ZMYM2: variants seen among roughly 807,000 people sequenced by gnomAD.
ZMYM2 encodes zinc finger MYM-type protein 2.
Under a neutral mutation model 162.8 loss-of-function variants are expected in ZMYM2, and 56 were observed. The observed-to-expected ratio is 0.34, with a 90% CI of 0.28 to 0.43. The LOEUF (loss-of-function observed/expected upper bound fraction) is 0.43, where lower values mean the gene tolerates loss of function less well. ZMYM2 is among the 20% of genes least tolerant of loss of function. The probability of loss-of-function intolerance (pLI) is 1.00; values close to 1 mark genes in which losing one functional copy is unlikely to be tolerated. For missense variants in ZMYM2, 1,275 were observed against 1,621.8 expected (o/e 0.79, Z 3.67); for synonymous variants, 510 against 541.6 (o/e 0.94, Z 0.81).
At chr13:20,018,746 G>T (rs1044652854) in intron 6 of ZMYM2, among the ~76,000 whole-genome samples, 1 of 152,078 alleles carries the variant, frequency 6.6e-6, no homozygotes, top group Non-Finnish European at 1.5e-5. Flanking sequence ...ATATGTATTC[G>T]TATTATATGC....
chr13:19,978,423 G>GT (rs1201992808), intron 2 of ZMYM2, among the ~76,000 whole-genome samples: 77 of 147,148 alleles, frequency 5.2e-4, no homozygotes, highest in South Asian at 1.3e-3. Context: ...TGTTTTTTGG[G>GT]TTTTTTTTTT....
At chr13:20,072,346 T>C (rs559605955) in intron 21 of ZMYM2, among the ~76,000 whole-genome samples, 47 of 152,076 alleles carry the variant, frequency 3.1e-4, no homozygotes, top group Admixed American at 9.8e-4. Flanking sequence ...CATGGTGAAA[T>C]GCTGTCTCTA....
chr13:20,006,488 G>A lies in ZMYM2; in HGVS notation c.1414G>A (p.Glu472Lys). 1 of 1,613,746 alleles carries A rather than the reference G, an allele frequency of 6.2e-7. No homozygotes were observed. Among genetic ancestry groups the A allele is most frequent in the Non-Finnish European group, 8.5e-7 (1 of 1,179,786 alleles). The change falls in exon 6 of 25, where the codon GAG becomes AAG. Residue 472 changes from glutamate to lysine, a missense_variant. Around this residue, in one of 10 missense-constraint regions of ZMYM2, gnomAD observed 276 missense variants for 311.8 expected, o/e 0.89. Transcript: ENST00000610343. Reference sequence around the variant, plus strand: ...AATGAATTGCTGTGAACAGTGTGGAGAGTACTTGCCCAGTAAAGGTGCTGG... The same window carrying A: ...AATGAATTGCTGTGAACAGTGTGGAAAGTACTTGCCCAGTAAAGGTGCTGG... ...LIMNCCEQCGEYLPSKGAGNN... is the reference protein window; with the variant it reads ...LIMNCCEQCGKYLPSKGAGNN...
the ZMYM2 span, among the ~76,000 whole-genome samples, chr13:19,886,842 A>G: frequency 1.3e-5 from 2 of 151,010 alleles, no homozygotes; most frequent in Non-Finnish European, 2.9e-5. Context: ...TTAATTTTTA[A>G]TAGAGACGGG....
chr13:20,021,358 G>T (rs9579766), intron 7 of ZMYM2, among the ~76,000 whole-genome samples: 20 of 114,684 alleles, frequency 1.7e-4, no homozygotes, highest in African/African-American at 3.4e-4. Flanking sequence ...AATGAGTCAT[G>T]TTTTCCTGCT....
At chr13:20,056,217 G>C (rs1057342189) in intron 14 of ZMYM2, among the ~76,000 whole-genome samples, 17 of 152,200 alleles carry the variant, frequency 1.1e-4, no homozygotes, top group Non-Finnish European at 2.5e-4. Flanking sequence ...AAAACCAGAA[G>C]TGTGTATCAT....
At chr13:19,873,017 T>C in the ZMYM2 span, among the ~76,000 whole-genome samples, 1 of 151,788 alleles carries the variant, frequency 6.6e-6, no homozygotes, top group African/African-American at 2.4e-5. Context: ...AATAAATAAA[T>C]AAAATCCCTT....
the ZMYM2 span, among the ~76,000 whole-genome samples, chr13:19,923,164 G>C: frequency 3.4e-5 from 5 of 147,436 alleles, no homozygotes; most frequent in African/African-American, 1.2e-4. Flanking sequence ...TGGCCAACAT[G>C]GTGAAACCCC....
At chr13:19,926,797 A>C in the ZMYM2 span, among the ~76,000 whole-genome samples, 1 of 152,088 alleles carries the variant, frequency 6.6e-6, no homozygotes, top group Non-Finnish European at 1.5e-5. Flanking sequence ...CCTCCCAAAC[A>C]TCTGGGACCA....
At chr13:19,937,456 C>CTTT in the ZMYM2 span, among the ~76,000 whole-genome samples, 2 of 105,114 alleles carry the variant, frequency 1.9e-5, no homozygotes, top group African/African-American at 3.3e-5. Context: ...TAGTATTCCT[C>CTTT]TTTTTTTTTT....
chr13:20,042,170 C>CT (rs1406090502), intron 12 of ZMYM2, among the ~76,000 whole-genome samples: 4 of 152,156 alleles, frequency 2.6e-5, no homozygotes, highest in Non-Finnish European at 5.9e-5. Flanking sequence ...TGCTTATACT[C>CT]TCCCCATCTC....
the ZMYM2 span, among the ~76,000 whole-genome samples, chr13:19,880,677 C>A: frequency 6.6e-6 from 1 of 152,066 alleles, no homozygotes; most frequent in Non-Finnish European, 1.5e-5. Context: ...GATCCACCCG[C>A]CTTGGACTCC....
At chr13:19,943,442 G>A in the ZMYM2 span, among the ~76,000 whole-genome samples, 3 of 152,146 alleles carry the variant, frequency 2.0e-5, no homozygotes, top group Non-Finnish European at 4.4e-5. Context: ...AAGATTAGCC[G>A]ACATCCCAAT....
chr13:19,926,847 T>C, the ZMYM2 span, among the ~76,000 whole-genome samples: 1 of 152,162 alleles, frequency 6.6e-6, no homozygotes, highest in Non-Finnish European at 1.5e-5. Flanking sequence ...TTTGTATTTT[T>C]TGTAGAGACA....
At chr13:19,987,050 A>G (rs1217142270) in intron 2 of ZMYM2, among the ~76,000 whole-genome samples, 2 of 133,124 alleles carry the variant, frequency 1.5e-5, no homozygotes, top group African/African-American at 5.5e-5. Context: ...GGTTGCAGTG[A>G]GCTGTGATCG....
the ZMYM2 span, among the ~76,000 whole-genome samples, chr13:19,917,621 A>T: frequency 2.5e-4 from 37 of 149,100 alleles, no homozygotes; most frequent in African/African-American, 9.0e-4. Context: ...AAAAGAAGTT[A>T]GTTATCACAA....
chr13:20,033,894 C>T (rs954491686), intron 10 of ZMYM2, among the ~76,000 whole-genome samples: 1 of 152,160 alleles, frequency 6.6e-6, no homozygotes, highest in Non-Finnish European at 1.5e-5. Context: ...TTCTTTTTGA[C>T]TGAAAATATT....
At chr13:20,024,758 T>C (rs1189206168) in intron 7 of ZMYM2, 1 of 218,386 alleles carries the variant, frequency 4.6e-6, no homozygotes, top group African/African-American at 2.2e-5. Flanking sequence ...TGAGATATAG[T>C]ATGTTTGCAG....
intron 14 of ZMYM2, among the ~76,000 whole-genome samples, chr13:20,057,248 G>A (rs934163443): frequency 6.6e-6 from 1 of 151,900 alleles, no homozygotes; most frequent in South Asian, 2.1e-4. Flanking sequence ...GACTAGAGGT[G>A]GGCGCCACCA....
Sources: allele counts gnomAD v4.1 joint callset (sites outside exome capture counted in the v4.1 genomes callset), GRCh38; gene constraint gnomAD v4.1.1; regional missense constraint gnomAD v4.1.1; transcripts MANE v1.5; gene names NCBI Gene and HGNC (gene_info 2026-07-23, HGNC 2026-07-21).